Variants in ZNF236 observed in about 807,000 individuals in gnomAD.
The protein encoded by ZNF236 is zinc finger protein 236.
In ZNF236, 50 loss-of-function variants were observed where a neutral mutation model predicts 191.2. The ratio of observed to expected loss-of-function variants is 0.26; its 90% CI spans 0.21 to 0.33. The LOEUF is 0.33. Ranked by LOEUF, ZNF236 falls within the 10% of genes least tolerant of loss-of-function variation. The pLI, the probability that ZNF236 is intolerant of heterozygous loss-of-function variation, is 1.00. For missense variants in ZNF236, 1,754 were observed against 2,374.5 expected (o/e 0.74, Z 5.43); for synonymous variants, 907 against 928.8 (o/e 0.98, Z 0.43).
chr18:76,901,597 G>C (rs932007095), intron 11 of ZNF236, among the ~76,000 whole-genome samples: 21 of 151,802 alleles, frequency 1.4e-4, no homozygotes, highest in Middle Eastern at 3.4e-3. Context: ...ATCTCTACTA[G>C]AAATACATAA....
chr18:76,936,023 A>G (rs1233746728), intron 25 of ZNF236: 5 of 457,034 alleles, frequency 1.1e-5, no homozygotes, highest in Non-Finnish European at 2.2e-5. Context: ...AGGAGTGTGG[A>G]TCTGTGGAGG....
chr18:76,895,420 G>A, intron 10 of ZNF236, 135 bp downstream of exon 10: 1 of 1,247,838 alleles, frequency 8.0e-7, no homozygotes, highest in South Asian at 1.4e-5. Flanking sequence ...CACAGGGACT[G>A]CACAAAGTAT....
chr18:76,951,513 G>A (rs996152731), intron 27 of ZNF236, among the ~76,000 whole-genome samples: 1 of 152,176 alleles, frequency 6.6e-6, no homozygotes, highest in Non-Finnish European at 1.5e-5. Context: ...CTCACCTCTC[G>A]GCCTTCATAA....
intron 3 of ZNF236, among the ~76,000 whole-genome samples, chr18:76,856,124 C>G (rs968595637): frequency 6.6e-6 from 1 of 151,166 alleles, no homozygotes; most frequent in Non-Finnish European, 1.5e-5. Context: ...CCAGGCTGCT[C>G]TTGAACTCCT....
In ZNF236 at chr18:76,880,310, T is replaced by C; in HGVS notation, c.1182T>C (p.Ile394=). The C allele has an allele frequency of 6.2e-7, 1 of 1,610,940 alleles. No homozygotes were observed. Among genetic ancestry groups the C allele is most frequent in the South Asian group, 1.1e-5 (1 of 90,926 alleles). ...LSITVGINQD[I]LQQALENSGL... ...TCACAGTGGGCATCAACCAGGACATTTTACAGGTGAAGCACGCTTCCCTGC... is the reference window on the plus strand; with the variant it reads ...TCACAGTGGGCATCAACCAGGACATCTTACAGGTGAAGCACGCTTCCCTGC... Residue 394 remains isoleucine (I), a synonymous_variant, in exon 8 of 31, where the codon ATT becomes ATC. Coordinates refer to ENST00000320610, the MANE Select transcript of ZNF236 (RefSeq NM_001306089.2). This position sits in a 1 kb window ranked among gnomAD's most constrained non-coding sequence, Gnocchi z 5.0.
chr18:76,852,713 A>G (rs1329356216), intron 3 of ZNF236, among the ~76,000 whole-genome samples: 1 of 152,160 alleles, frequency 6.6e-6, no homozygotes, highest in African/African-American at 2.4e-5. Flanking sequence ...AGGAAGATAC[A>G]AAAAGTTAAA....
At chr18:76,823,765 C>G (rs904853422) in intron 1 of ZNF236, among the ~76,000 whole-genome samples, 21 of 152,320 alleles carry the variant, frequency 1.4e-4, no homozygotes, top group African/African-American at 4.6e-4. Flanking sequence ...AACGGACTTT[C>G]CTGCGCAGGG....
At chr18:76,834,917 A>G (rs2122416119) in intron 1 of ZNF236, 1 of 244,858 alleles carries the variant, frequency 4.1e-6, no homozygotes, top group Non-Finnish European at 8.2e-6. Context: ...ACTGATGGTC[A>G]CAAAAGGGAA....
At chr18:76,825,367 G>A (rs1051335449) in intron 1 of ZNF236, among the ~76,000 whole-genome samples, 5 of 152,132 alleles carry the variant, frequency 3.3e-5, no homozygotes, top group African/African-American at 1.2e-4. Flanking sequence ...AGACTGTTAG[G>A]CTTTTTCACT....
chr18:76,880,081 G>T lies in ZNF236; in HGVS notation c.985-32G>T, dbSNP rs746172695. On this transcript the variant is annotated intron_variant, in intron 7 of 30. Transcript: ENST00000320610. The surrounding 1 kb of genome is among the most constrained non-coding windows in gnomAD (Gnocchi z 5.0). ...CCTTTTTAAATTGAAGAGCAAAATT[G>T]TATTTTTAATGAAAATGTTTCTGTG... 44 of 1,455,178 alleles carry T rather than the reference G, an allele frequency of 3.0e-5. No individual in the cohort carries two copies. Among genetic ancestry groups the T allele is most frequent in the Non-Finnish European group, 3.7e-5 (39 of 1,065,844 alleles). 90.1% of individuals were successfully genotyped at this position (1,455,178 alleles called of 1,614,324 possible). A position where few individuals can be genotyped will look rare whatever the true frequency, so the allele number is the denominator to read the frequency against.
chr18:76,875,786 G>A lies in ZNF236; in HGVS notation c.840+122G>A, dbSNP rs1332212675. The A allele has an allele frequency of 2.6e-5, 29 of 1,103,186 alleles. No individual in the cohort carries two copies. The highest frequency in any genetic ancestry group is 3.3e-5 in the Non-Finnish European group (28 of 849,168). The allele number at this position is 1,103,186 out of a possible 1,614,324, so 68.3% of individuals were successfully genotyped here. ...AAAATGCAGATTGATTTTGTGCCGAGCAGACCCTGTTTTAAAAAATACATA... is the reference window on the plus strand; with the variant it reads ...AAAATGCAGATTGATTTTGTGCCGAACAGACCCTGTTTTAAAAAATACATA... On this transcript the variant is annotated intron_variant, in intron 6 of 30. Transcript: ENST00000320610. The surrounding 1 kb of genome is among the most constrained non-coding windows in gnomAD (Gnocchi z 4.3).
Position 76,895,291 on chromosome 18 carries a change from G to A in ZNF236, c.1690+6G>A. On this transcript the variant is annotated splice_donor_region_variant and intron_variant, in intron 10 of 30. Coordinates refer to ENST00000320610, the MANE Select transcript of ZNF236 (RefSeq NM_001306089.2). ...GCACATTCGCCTGCACACAGGTATGGCCTCAGGGCTGGGCCCACACGGGCA... is the reference window on the plus strand; with the variant it reads ...GCACATTCGCCTGCACACAGGTATGACCTCAGGGCTGGGCCCACACGGGCA... 6.3e-7 allele frequency: 1 copy of A among 1,597,370 alleles called. No homozygotes were observed. The highest frequency in any genetic ancestry group is 8.5e-7 in the Non-Finnish European group (1 of 1,178,212).
In ZNF236 at chr18:76,968,268, C is replaced by G. The variant is rs201773442; in HGVS notation, c.5473C>G (p.Arg1825Gly). The G allele has an allele frequency of 7.0e-5, 113 of 1,611,882 alleles. No homozygotes were observed. In the African/African-American group the frequency reaches 1.4e-3, roughly 20 times the overall value. The change falls in exon 31 of 31, where the codon CGG becomes GGG. Residue 1825 changes from arginine (R) to glycine (G), a missense_variant. Arg to Gly is a moderately radical substitution (Grantham distance 125). Transcript: ENST00000320610. Reference protein sequence around the residue: ...HPEQDGEELSRTLHLEEVVQE... With the variant: ...HPEQDGEELSGTLHLEEVVQE... ...GGAGCAGGACGGGGAGGAGCTGAGC[C>G]GGACCCTCCACCTGGAGGAGGTGGT...
At chr18:76,955,438 T>A (rs898791403) in intron 27 of ZNF236, among the ~76,000 whole-genome samples, 7 of 152,138 alleles carry the variant, frequency 4.6e-5, no homozygotes, top group Non-Finnish European at 8.8e-5. Context: ...TCAAAAATTT[T>A]AAAAATGATT....
At chr18:76,920,901 A>C (rs556794374) in intron 20 of ZNF236, among the ~76,000 whole-genome samples, 2 of 152,368 alleles carry the variant, frequency 1.3e-5, no homozygotes, top group East Asian at 3.9e-4. Flanking sequence ...GGAGAAAGGA[A>C]GACCAAAGTA....
At chr18:76,894,932 C>T (rs1409580866) in intron 9 of ZNF236, 81 bp from the exon 10 acceptor site, 10 of 1,554,388 alleles carry the variant, frequency 6.4e-6, no homozygotes, top group East Asian at 2.3e-5. Context: ...GTGCAGCTTT[C>T]TGTGGGGACC....
At chr18:76,957,998 A>G (rs762540393) in intron 28 of ZNF236, among the ~76,000 whole-genome samples, 19 of 152,178 alleles carry the variant, frequency 1.2e-4, no homozygotes, top group Non-Finnish European at 2.4e-4. Flanking sequence ...TTTCTTTTGA[A>G]ACCTTCTGAT....
At chr18:76,920,289 A>G (rs558589558) in intron 20 of ZNF236, among the ~76,000 whole-genome samples, 3 of 152,230 alleles carry the variant, frequency 2.0e-5, no homozygotes, top group Admixed American at 6.5e-5. Context: ...GGTGGCTCAC[A>G]CCTGTAATCC....
chr18:76,947,731 TTATGGGC>T, intron 27 of ZNF236, 79 bp downstream of exon 27: 1 of 1,512,716 alleles, frequency 6.6e-7, no homozygotes, highest in Non-Finnish European at 8.9e-7. Flanking sequence ...TGGTAGAGGG[TTATGGGC>T]GTGCTGTGTG....
Sources: allele counts gnomAD v4.1 joint callset (sites outside exome capture counted in the v4.1 genomes callset), GRCh38; gene constraint gnomAD v4.1.1; non-coding constraint Gnocchi (gnomAD v3.1); transcripts MANE v1.5; gene names NCBI Gene and HGNC (gene_info 2026-07-23, HGNC 2026-07-21).